The following IRF2BPL variants were observed in gnomAD, a reference collection of about 807,000 sequenced individuals.
IRF2BPL encodes probable E3 ubiquitin-protein ligase IRF2BPL.
In IRF2BPL, 13 loss-of-function variants were observed where a neutral mutation model predicts 51.2. The observed-to-expected ratio is 0.25, with a 90% CI of 0.17 to 0.40. The LOEUF (loss-of-function observed/expected upper bound fraction) is 0.40. Ranked by LOEUF, IRF2BPL falls within the 10% of genes least tolerant of loss-of-function variation. The pLI, the probability that IRF2BPL is intolerant of heterozygous loss-of-function variation, is 1.00. For missense variants in IRF2BPL, 1,210 were observed against 1,111.8 expected, an observed-to-expected ratio of 1.09 and a Z score of -1.26; for synonymous variants, 768 against 509.2, an observed-to-expected ratio of 1.51 and a Z score of -6.84.
chr14:77,027,567 CGGG>C lies in IRF2BPL; in HGVS notation c.223_225del (p.Pro75del). On this transcript the variant is annotated inframe_deletion, in exon 1 of 1. Transcript: ENST00000238647. ...GACAGGGCCACTGTCTTGACCCCGA[CGGG>C]CGGCGGCGGCCCGGGGGAGCGGCCG... 1.2e-6 allele frequency: 1 copy of C among 836,912 alleles called. No homozygotes were observed. The highest frequency in any genetic ancestry group is 1.6e-6 in the Non-Finnish European group (1 of 625,250). The allele number at this position is 836,912 out of a possible 1,614,324, so 51.8% of individuals were successfully genotyped here.
At position 77,026,703 on chromosome 14, in the gene IRF2BPL, G is replaced by A; in HGVS notation, c.1090C>T (p.Arg364Cys). 7 of 1,612,676 alleles carry A rather than the reference G, an allele frequency of 4.3e-6. No individual in the cohort carries two copies. The highest frequency in any genetic ancestry group is 5.9e-6 in the Non-Finnish European group (7 of 1,179,656). Reference sequence around the variant, plus strand: ...GGCTTGCTGGCCCACTCCTCGGCGCGGTTGCGCAGGCTCTCGCTCAGCTCG... The same window carrying A: ...GGCTTGCTGGCCCACTCCTCGGCGCAGTTGCGCAGGCTCTCGCTCAGCTCG... ...LAELSESLRNRAEEWASKPKM... is the reference protein window; with the variant it reads ...LAELSESLRNCAEEWASKPKM... Residue 364 changes from arginine (R) to cysteine (C), a missense_variant, in exon 1 of 1, where the codon CGC becomes TGC. Coordinates refer to ENST00000238647, the MANE Select transcript of IRF2BPL (RefSeq NM_024496.4).
chr14:77,027,870 T>A lies in IRF2BPL; in HGVS notation c.-78A>T. ...TTCTCCTCCGGGAGGACTGGCCGGC[T>A]GGGGAGGGAGTCCGACTGCGGGGGA... On this transcript the variant is annotated 5_prime_UTR_variant, in exon 1 of 1. Coordinates refer to ENST00000238647, the MANE Select transcript of IRF2BPL (RefSeq NM_024496.4). 7 of 1,392,514 alleles carry A rather than the reference T, an allele frequency of 5.0e-6. No individual in the cohort carries two copies. The highest frequency in any genetic ancestry group is 1.6e-5 in the South Asian group (1 of 64,472). The allele number at this position is 1,392,514 out of a possible 1,614,324, so 86.3% of individuals were successfully genotyped here.
rs1885052855 is a variant in IRF2BPL at position 77,024,616 on chromosome 14, G to A, written c.*786C>T. The A allele has an allele frequency of 6.6e-6, 1 of 152,588 alleles. No individual in the cohort carries two copies. Among genetic ancestry groups the A allele is most frequent in the African/African-American group, 2.4e-5 (1 of 41,442 alleles). The allele number at this position is 152,588 out of a possible 1,614,324, so 9.5% of individuals were successfully genotyped here. A position where few individuals can be genotyped will look rare whatever the true frequency, so the allele number is the denominator to read the frequency against. On this transcript the variant is annotated 3_prime_UTR_variant, in exon 1 of 1. Coordinates refer to ENST00000238647, the MANE Select transcript of IRF2BPL (RefSeq NM_024496.4). ...ACAGTGTTCTGTTAACTACAGAAAT[G>A]TATAAAGGACAAACAGAGCAGATTC... is the stretch of plus-strand genomic sequence containing the variant.
rs1566786656 is a variant in IRF2BPL at position 77,027,325 on chromosome 14, G to A, written c.468C>T (p.Ala156=). 10 of 1,533,136 alleles carry A rather than the reference G, an allele frequency of 6.5e-6. No individual in the cohort carries two copies. The highest frequency in any genetic ancestry group is 2.2e-5 in the Admixed American group (1 of 44,888). The allele number at this position is 1,533,136 out of a possible 1,614,324, so 95.0% of individuals were successfully genotyped here. A position where few individuals can be genotyped will look rare whatever the true frequency, so the allele number is the denominator to read the frequency against. The change falls in exon 1 of 1, where the codon GCC becomes GCT. Residue 156 remains alanine (A), a synonymous_variant. Transcript: ENST00000238647. The part of the protein sequence containing the change: ...LERYGLSAAA[A]AAAAAAAAVE... ...CCGCAGCGGCGGCGGCGGCGGCGGC[G>A]GCGGCGGCAGCGCTTAGGCCGTAGC...
In IRF2BPL at chr14:77,026,350, G is replaced by T; in HGVS notation, c.1443C>A (p.Ala481=). Reference sequence around the variant, plus strand: ...GCACGCCCTCCTTGAAGAAGCGCACGGCTTCGGGGAGCAGGTCTCCAAGCA... The same window carrying T: ...GCACGCCCTCCTTGAAGAAGCGCACTGCTTCGGGGAGCAGGTCTCCAAGCA... ...WRLLGDLLPE[A]VRFFKEGVPG... Residue 481 remains alanine, a synonymous_variant, in exon 1 of 1, where the codon GCC becomes GCA. Transcript: ENST00000238647. The T allele has an allele frequency of 6.2e-7, 1 of 1,605,136 alleles. No homozygotes were observed. The highest frequency in any genetic ancestry group is 8.5e-7 in the Non-Finnish European group (1 of 1,176,534).
Position 77,028,203 on chromosome 14 carries a change from GCTGT to G in IRF2BPL, c.-415_-412del. 1 of 227,264 alleles carries G rather than the reference GCTGT, an allele frequency of 4.4e-6. No homozygotes were observed. Among genetic ancestry groups the G allele is most frequent in the Non-Finnish European group, 9.3e-6 (1 of 107,588 alleles). 14.1% of individuals were successfully genotyped at this position (227,264 alleles called of 1,614,324 possible). A position where few individuals can be genotyped will look rare whatever the true frequency, so the allele number is the denominator to read the frequency against. Reference sequence around the variant, plus strand: ...GCTGGTGCGTGGAAGCTCGAAAGGGGCTGTCTCTTCCTCTCCCCGGGGACCCCCC... The same window carrying G: ...GCTGGTGCGTGGAAGCTCGAAAGGGGCTCTTCCTCTCCCCGGGGACCCCCC... On this transcript the variant is annotated 5_prime_UTR_variant, in exon 1 of 1. Transcript: ENST00000238647.
Position 77,026,904 on chromosome 14 carries a change from C to T in IRF2BPL, c.889G>A (p.Ala297Thr), listed in dbSNP as rs928973004. ...PAPPGAPGGP[A>T]CLGGTPGVSA... ...ACACCCGGGGTACCCCCGAGACAAG[C>T]GGGGCCCCCAGGAGCCCCTGGGGGA... The change falls in exon 1 of 1, where the codon GCT becomes ACT. Residue 297 changes from alanine to threonine, a missense_variant. Transcript: ENST00000238647. 12 of 1,510,046 alleles carry T rather than the reference C, an allele frequency of 7.9e-6. No individual in the cohort carries two copies. The African/African-American group carries it at 1.1e-4, about 14-fold the overall frequency. The allele number at this position is 1,510,046 out of a possible 1,614,324, so 93.5% of individuals were successfully genotyped here.
rs1246833266 is a variant in IRF2BPL at position 77,026,090 on chromosome 14, T to G, written c.1703A>C (p.Gln568Pro). ...CGCCTCGCTCTGGTTCGCCATCCACTGCTGCCTCTGCTGTTCCTCGCCCAG... is the reference window on the plus strand; with the variant it reads ...CGCCTCGCTCTGGTTCGCCATCCACGGCTGCCTCTGCTGTTCCTCGCCCAG... ...LKLGEEQQRQQWMANQSEALK... is the reference protein window; with the variant it reads ...LKLGEEQQRQPWMANQSEALK... Residue 568 changes from glutamine to proline, a missense_variant, in exon 1 of 1, where the codon CAG becomes CCG. Gln to Pro is a moderately conservative substitution (Grantham distance 76). Transcript: ENST00000238647. The G allele has an allele frequency of 6.4e-7, 1 of 1,574,158 alleles. No individual in the cohort carries two copies. The highest frequency in any genetic ancestry group is 8.6e-7 in the Non-Finnish European group (1 of 1,165,194).
chr14:77,025,898 T>A lies in IRF2BPL; in HGVS notation c.1895A>T (p.Asp632Val). ...GGGCGAGTGCGCTGTGCCCAGAGTA[T>A]CTGCCACCGACATGAGAGCGGCCAT... ...SPMAALMSVA[D>V]TLGTAHSPKD... Residue 632 changes from aspartate (D) to valine (V), a missense_variant, in exon 1 of 1, where the codon GAT (aspartate) becomes GTT (valine). Coordinates refer to ENST00000238647, the MANE Select transcript of IRF2BPL (RefSeq NM_024496.4). The A allele has an allele frequency of 6.2e-7, 1 of 1,611,936 alleles. No homozygotes were observed. The highest frequency in any genetic ancestry group is 8.5e-7 in the Non-Finnish European group (1 of 1,179,588).
chr14:77,027,119 A>C lies in IRF2BPL; in HGVS notation c.674T>G (p.Val225Gly), dbSNP rs772322668. 5.0e-6 allele frequency: 8 copies of C among 1,611,800 alleles called. No homozygotes were observed. In the East Asian group the frequency reaches 1.6e-4, roughly 31 times the overall value. ...ACCGTGCGTTCCACGCCGAGACGCC[A>C]CCGACGCCGCCGCTGAAGAAGAATT... ...SPNSSSAAAS[V>G]ASRRGTHGGL... Residue 225 changes from valine to glycine, a missense_variant, in exon 1 of 1, where the codon GTG becomes GGG. Transcript: ENST00000238647.
At position 77,025,944 on chromosome 14, in the gene IRF2BPL, G is replaced by T; in HGVS notation, c.1849C>A (p.Pro617Thr). 1.9e-6 allele frequency: 3 copies of T among 1,607,888 alleles called. No individual in the cohort carries two copies. Among genetic ancestry groups the T allele is most frequent in the Non-Finnish European group, 2.5e-6 (3 of 1,177,806 alleles). Residue 617 changes from proline to threonine, a missense_variant, in exon 1 of 1, where the codon CCC becomes ACC. Coordinates refer to ENST00000238647, the MANE Select transcript of IRF2BPL (RefSeq NM_024496.4). ...GCCATAGGGGACGGACCGTTCTGGG[G>T]GGCTGACTCAGGTGGGGTGGTCCGG... ...SNRTTPPESA[P>T]QNGPSPMAAL... is the part of the protein sequence containing the mutation.
In IRF2BPL at chr14:77,026,518, C is replaced by T. The variant is rs747230985; in HGVS notation, c.1275G>A (p.Thr425=). Residue 425 remains threonine (T), a synonymous_variant, in exon 1 of 1, where the codon ACG becomes ACA. Transcript: ENST00000238647. ...YELKLFIEYP[T]GSGNVYSSAS... is the part of the protein sequence containing the mutation. ...CACTGGAGTACACGTTGCCCGAGCC[C>T]GTGGGGTACTCAATGAACAGCTTCA... is the stretch of plus-strand genomic sequence containing the variant. 6.2e-7 allele frequency: 1 copy of T among 1,613,672 alleles called. No individual in the cohort carries two copies. Among genetic ancestry groups the T allele is most frequent in the Middle Eastern group, 1.6e-4 (1 of 6,062 alleles).
In IRF2BPL at chr14:77,026,733, G is replaced by A. The variant is rs753869220; in HGVS notation, c.1060C>T (p.Leu354=). 2.5e-6 allele frequency: 4 copies of A among 1,612,430 alleles called. No homozygotes were observed. The highest frequency in any genetic ancestry group is 1.3e-5 in the African/African-American group (1 of 74,934). Residue 354 remains leucine, a synonymous_variant, in exon 1 of 1, where the codon CTG becomes TTG. Transcript: ENST00000238647. The part of the protein sequence containing the change: ...LKEKQRNAEA[L]AELSESLRNR... ...CGCAGGCTCTCGCTCAGCTCGGCCAGGGCCTCGGCGTTGCGCTGCTTCTCC... is the reference window on the plus strand; with the variant it reads ...CGCAGGCTCTCGCTCAGCTCGGCCAAGGCCTCGGCGTTGCGCTGCTTCTCC...
chr14:77,026,700 C>A lies in IRF2BPL; in HGVS notation c.1093G>T (p.Ala365Ser), dbSNP rs373071478. The change falls in exon 1 of 1, where the codon GCC becomes TCC. Residue 365 changes from alanine to serine, a missense_variant. Physicochemically the swap from Ala to Ser is moderately conservative, Grantham distance 99. Transcript: ENST00000238647. The part of the protein sequence containing the change: ...AELSESLRNR[A>S]EEWASKPKMV... The stretch of plus-strand genomic sequence containing the variant: ...TTGGGCTTGCTGGCCCACTCCTCGG[C>A]GCGGTTGCGCAGGCTCTCGCTCAGC... 2.3e-5 allele frequency: 37 copies of A among 1,612,482 alleles called. No individual in the cohort carries two copies. The Middle Eastern group carries it at 4.9e-4, about 21-fold the overall frequency.
At position 77,027,962 on chromosome 14, in the gene IRF2BPL, G is replaced by A. The variant is rs1056697150; in HGVS notation, c.-170C>T. 6 of 792,310 alleles carry A rather than the reference G, an allele frequency of 7.6e-6. No homozygotes were observed. Among genetic ancestry groups the A allele is most frequent in the Non-Finnish European group, 1.1e-5 (6 of 547,896 alleles). 49.1% of individuals were successfully genotyped at this position (792,310 alleles called of 1,614,324 possible). ...GGGAACGCGAGTCTCCACCGCCGGC[G>A]CAGCGCCTCGCCGTGGGGGCTCCAC... On this transcript the variant is annotated 5_prime_UTR_variant, in exon 1 of 1. Transcript: ENST00000238647.
Position 77,026,218 on chromosome 14 carries a change from C to T in IRF2BPL, c.1575G>A (p.Gly525=). The change falls in exon 1 of 1, where the codon GGG becomes GGA. Residue 525 remains glycine, a synonymous_variant. Coordinates refer to ENST00000238647, the MANE Select transcript of IRF2BPL (RefSeq NM_024496.4). ...CCGACGGCGCGGCGGGCGGCAAGGC[C>T]CCGGTCCCCGGGGGTGCGCTGGGGG... ...SRAPSAPPGT[G]ALPPAAPSGR... 2.1e-6 allele frequency: 3 copies of T among 1,400,522 alleles called. No individual in the cohort carries two copies. The highest frequency in any genetic ancestry group is 2.8e-6 in the Non-Finnish European group (3 of 1,084,696). 86.8% of individuals were successfully genotyped at this position (1,400,522 alleles called of 1,614,324 possible). A position where few individuals can be genotyped will look rare whatever the true frequency, so the allele number is the denominator to read the frequency against.
rs1210919033 is a variant in IRF2BPL at position 77,028,504 on chromosome 14, CGCCCCCAGGCCTGGCCGGCGCCCGG to C, written c.-737_-713del. 3 of 321,666 alleles carry C rather than the reference CGCCCCCAGGCCTGGCCGGCGCCCGG, an allele frequency of 9.3e-6. No homozygotes were observed. The highest frequency in any genetic ancestry group is 1.1e-5 in the Non-Finnish European group (2 of 176,432). 19.9% of individuals were successfully genotyped at this position (321,666 alleles called of 1,614,324 possible). ...GGAGTGCACGCACGCAGGCTCCCGC[CGCCCCCAGGCCTGGCCGGCGCCCGG>C]GCCGCCGCGGCTGGCGGCGCTCACG... On this transcript the variant is annotated 5_prime_UTR_variant, in exon 1 of 1. Coordinates refer to ENST00000238647, the MANE Select transcript of IRF2BPL (RefSeq NM_024496.4).
chr14:77,026,051 A>G lies in IRF2BPL; in HGVS notation c.1742T>C (p.Met581Thr), dbSNP rs1885105626. The change falls in exon 1 of 1, where the codon ATG becomes ACG. Residue 581 changes from methionine (M) to threonine (T), a missense_variant. By Grantham distance (81) the Met-to-Thr change is moderately conservative. Coordinates refer to ENST00000238647, the MANE Select transcript of IRF2BPL (RefSeq NM_024496.4). The stretch of plus-strand genomic sequence containing the variant: ...CGGCGCCGCGAAGCCCCCGGCGGAC[A>G]TGGTGAGCTTCAGCGCCTCGCTCTG... ...ANQSEALKLT[M>T]SAGGFAAPGH... The G allele has an allele frequency of 5.7e-6, 9 of 1,567,948 alleles. No homozygotes were observed. Among genetic ancestry groups the G allele is most frequent in the Admixed American group, 1.8e-5 (1 of 54,140 alleles).
rs1189368281 is a variant in IRF2BPL, at chr14:77,027,070, G to A, written c.723C>T (p.Asn241=). ...THGGLVTGLP[N]PGGGGGPQLT... is the part of the protein sequence containing the mutation. ...GCTGGGGGCCTCCGCCACCCCCCGG[G>A]TTGGGCAGCCCCGTAACCAGCCCAC... is the stretch of plus-strand genomic sequence containing the variant. Residue 241 remains asparagine, a synonymous_variant, in exon 1 of 1, where the codon AAC becomes AAT. Transcript: ENST00000238647. The A allele has an allele frequency of 1.9e-6, 3 of 1,596,446 alleles. No individual in the cohort carries two copies. Among genetic ancestry groups the A allele is most frequent in the Admixed American group, 1.7e-5 (1 of 57,944 alleles).
Sources: allele counts gnomAD v4.1 joint callset, GRCh38; gene constraint gnomAD v4.1.1; transcripts MANE v1.5; gene names NCBI Gene and HGNC (gene_info 2026-07-23, HGNC 2026-07-21).